CILP: variants seen among roughly 807,000 people sequenced by gnomAD.
CILP encodes the protein cartilage intermediate layer protein 1.
A neutral mutation model predicts 82.5 loss-of-function variants in CILP; 75 were observed. The observed-to-expected ratio is 0.91, with a 90% CI of 0.75 to 1.10. CILP has a LOEUF of 1.10. Ranked by LOEUF, CILP falls within the 50% of genes least tolerant of loss-of-function variation. The pLI is 0.00. For missense variants in CILP, 1,479 were observed against 1,530.8 expected, an observed-to-expected ratio of 0.97 and a Z score of 0.56; for synonymous variants, 530 against 580.3, an observed-to-expected ratio of 0.91 and a Z score of 1.25.
At chr15:65,209,935 G>T (rs914210090) in intron 1 of CILP, 74 bp from the exon 2 acceptor site, 1 of 597,144 alleles carries the variant, frequency 1.7e-6, no homozygotes, top group Non-Finnish European at 3.0e-6. Flanking sequence ...AATATTTCTT[G>T]ACCTGTCAAG....
rs200188398 is a variant in CILP at position 65,198,821 on chromosome 15, G to A, written c.1465C>T (p.Arg489Trp). The A allele has an allele frequency of 1.7e-5, 27 of 1,614,128 alleles. No homozygotes were observed. Among genetic ancestry groups the A allele is most frequent in the African/African-American group, 9.3e-5 (7 of 75,050 alleles). Residue 489 changes from arginine (R) to tryptophan (W), a missense_variant, in exon 9 of 9, where the codon CGG becomes TGG. Coordinates refer to ENST00000261883, the MANE Select transcript of CILP (RefSeq NM_003613.4). ...ECSCQRCTET[R>W]SIVRGRVSAA... ...CTGACACGGCCCCGCACGATGCTCC[G>A]AGTTTCCGTACACCGCTGGCAGCTG...
At position 65,197,391 on chromosome 15, in the gene CILP, T is replaced by C; in HGVS notation, c.2895A>G (p.Glu965=). 6.2e-7 allele frequency: 1 copy of C among 1,614,208 alleles called. No individual in the cohort carries two copies. The highest frequency in any genetic ancestry group is 8.5e-7 in the Non-Finnish European group (1 of 1,180,038). Reference sequence around the variant, plus strand: ...CCATGTTGCGGGATCGCACATTCACTTCCAGTGGCCCCACAATCTTCACCT... The same window carrying C: ...CCATGTTGCGGGATCGCACATTCACCTCCAGTGGCCCCACAATCTTCACCT... The part of the protein sequence containing the change: ...YIKVKIVGPL[E]VNVRSRNMGG... The change falls in exon 9 of 9, where the codon GAA becomes GAG. Residue 965 remains glutamate, a synonymous_variant. Transcript: ENST00000261883.
chr15:65,200,426 C>T (rs181985039), intron 8 of CILP, among the ~76,000 whole-genome samples: 36 of 137,880 alleles, frequency 2.6e-4, no homozygotes, highest in Admixed American at 2.2e-3. Context: ...AGTCCAGGAT[C>T]CTTCCAATAC....
Position 65,205,478 on chromosome 15 carries a change from G to A in CILP, c.425-12C>T, listed in dbSNP as rs1196753688. 6.3e-7 allele frequency: 1 copy of A among 1,587,328 alleles called. No homozygotes were observed. ...TCGGCGCAGGGATCCTGCAAAGTGA[G>A]ATCAGCAGACGGTCTGATTTCCCTC... On this transcript the variant is annotated splice_polypyrimidine_tract_variant and intron_variant, in intron 4 of 8. Coordinates refer to ENST00000261883, the MANE Select transcript of CILP (RefSeq NM_003613.4).
In CILP at chr15:65,196,868, A is replaced by C; in HGVS notation, c.3418T>G (p.Ser1140Ala). Residue 1140 changes from serine to alanine, a missense_variant, in exon 9 of 9, where the codon TCC becomes GCC. Physicochemically the swap from Ser to Ala is moderately conservative, Grantham distance 99 (BLOSUM62 1). Coordinates refer to ENST00000261883, the MANE Select transcript of CILP (RefSeq NM_003613.4). Reference protein sequence around the residue: ...FQYLQSTPAQSPAAGTVQGRV... With the variant: ...FQYLQSTPAQAPAAGTVQGRV... ...CCTTGGACAGTGCCTGCAGCAGGGGACTGGGCTGGGGTGCTTTGGAGGTAC... is the reference window on the plus strand; with the variant it reads ...CCTTGGACAGTGCCTGCAGCAGGGGCCTGGGCTGGGGTGCTTTGGAGGTAC... 1 of 1,613,810 alleles carries C rather than the reference A, an allele frequency of 6.2e-7. No individual in the cohort carries two copies. Among genetic ancestry groups the C allele is most frequent in the African/African-American group, 1.3e-5 (1 of 75,014 alleles).
In CILP at chr15:65,207,880, T is replaced by G. The variant is rs2088535673; in HGVS notation, c.62-116A>C. The G allele has an allele frequency of 2.5e-5, 20 of 805,816 alleles. 1 individual carries two copies. In the South Asian group the frequency reaches 3.1e-4, roughly 12 times the overall value. 49.9% of individuals were successfully genotyped at this position (805,816 alleles called of 1,614,324 possible). On this transcript the variant is annotated intron_variant, in intron 2 of 8. Transcript: ENST00000261883. The stretch of plus-strand genomic sequence containing the variant: ...TGGAGCATGAGCACCAGGCATGGGT[T>G]CAAACCCCACTCTGCTACTTATTGC...
In CILP at chr15:65,197,681, C is replaced by A. The variant is rs758306911; in HGVS notation, c.2605G>T (p.Val869Phe). 1.3e-5 allele frequency: 21 copies of A among 1,613,814 alleles called. No individual in the cohort carries two copies. The highest frequency in any genetic ancestry group is 1.5e-5 in the Non-Finnish European group (18 of 1,180,048). The change falls in exon 9 of 9, where the codon GTT (valine) becomes TTT (phenylalanine). Residue 869 changes from valine (V) to phenylalanine (F), a missense_variant. Physicochemically the swap from Val to Phe is conservative, Grantham distance 50 (BLOSUM62 -1). Transcript: ENST00000261883. ...YRRTDHEDPR[V>F]KKTAFQISMA... is the part of the protein sequence containing the mutation. Reference sequence around the variant, plus strand: ...CTAATCTGGAAAGCTGTCTTTTTAACCCGTGGATCCTCATGGTCCGTCCGA... The same window carrying A: ...CTAATCTGGAAAGCTGTCTTTTTAAACCGTGGATCCTCATGGTCCGTCCGA...
chr15:65,197,741 C>T lies in CILP; in HGVS notation c.2545G>A (p.Val849Ile), dbSNP rs376060973. 1.5e-5 allele frequency: 24 copies of T among 1,612,416 alleles called. No individual in the cohort carries two copies. The highest frequency in any genetic ancestry group is 3.3e-5 in the South Asian group (3 of 91,084). ...SPKFNPNAIG[V>I]PQPYLNKLNY... The stretch of plus-strand genomic sequence containing the variant: ...AGCTTGTTGAGATAGGGCTGAGGGA[C>T]GCCAATTGCATTTGGGTTGAATTTA... Residue 849 changes from valine (V) to isoleucine (I), a missense_variant, in exon 9 of 9, where the codon GTC (valine) becomes ATC (isoleucine). Coordinates refer to ENST00000261883, the MANE Select transcript of CILP (RefSeq NM_003613.4).
intron 2 of CILP, 35 bp from the exon 3 acceptor site, chr15:65,207,799 A>C (rs770529617): frequency 6.4e-6 from 10 of 1,565,410 alleles, no homozygotes; most frequent in African/African-American, 1.4e-5. Flanking sequence ...GTGAGAGGCC[A>C]GGACTGGAAG....
At chr15:65,202,163 G>T in intron 7 of CILP, 134 bp from the exon 8 acceptor site, 1 of 721,884 alleles carries the variant, frequency 1.4e-6, no homozygotes. Flanking sequence ...CCTTTGACTT[G>T]GCTCATCCAA....
Position 65,198,790 on chromosome 15 carries a change from G to A in CILP, c.1496C>T (p.Ala499Val), listed in dbSNP as rs1235402852. 6.2e-7 allele frequency: 1 copy of A among 1,614,198 alleles called. No individual in the cohort carries two copies. Residue 499 changes from alanine (A) to valine (V), a missense_variant, in exon 9 of 9, where the codon GCT becomes GTT. Coordinates refer to ENST00000261883, the MANE Select transcript of CILP (RefSeq NM_003613.4). ...RSIVRGRVSA[A>V]DNGEPMRFGH... is the part of the protein sequence containing the mutation. ...AAAGCGCATGGGCTCCCCATTGTCA[G>A]CAGCACTGACACGGCCCCGCACGAT...
At chr15:65,210,947 G>A (rs1223002737) in intron 1 of CILP, among the ~76,000 whole-genome samples, 1 of 152,340 alleles carries the variant, frequency 6.6e-6, no homozygotes, top group African/African-American at 2.4e-5. Flanking sequence ...GGCCTGCACT[G>A]CATTCAGCCT....
rs766561782 is a variant in CILP at position 65,198,336 on chromosome 15, G to A, written c.1950C>T (p.Asp650=). 6.2e-6 allele frequency: 10 copies of A among 1,614,104 alleles called. No homozygotes were observed. In the African/African-American group the frequency reaches 6.7e-5, roughly 11 times the overall value. Residue 650 remains aspartate, a synonymous_variant, in exon 9 of 9, where the codon GAC becomes GAT. Transcript: ENST00000261883. ...TGCCATACGTCCGAAGGGGGAAAGT[G>A]TCTCCTTCGTCATTGATGAAGTTCA... ...TDLNFINDEG[D]TFPLRTYGMF... is the part of the protein sequence containing the mutation.
At chr15:65,206,675 G>A (rs555825960) in intron 4 of CILP, 107 bp downstream of exon 4, 34 of 1,208,562 alleles carry the variant, frequency 2.8e-5, no homozygotes, top group Non-Finnish European at 3.9e-5. Flanking sequence ...CCAAGCATAC[G>A]CATGTGTGTG....
In CILP at chr15:65,209,931, T is replaced by C. The variant is rs1259515848; in HGVS notation, c.-106-70A>G. On this transcript the variant is annotated intron_variant, in intron 1 of 8. Transcript: ENST00000261883. ...CGCTTATGGCTCAAGCAGAAATATTTCTTGACCTGTCAAGGAGGGAAAGGT... is the reference window on the plus strand; with the variant it reads ...CGCTTATGGCTCAAGCAGAAATATTCCTTGACCTGTCAAGGAGGGAAAGGT... 4 of 600,394 alleles carry C rather than the reference T, an allele frequency of 6.7e-6. No homozygotes were observed. The African/African-American group carries it at 7.4e-5, about 11-fold the overall frequency. 37.2% of individuals were successfully genotyped at this position (600,394 alleles called of 1,614,324 possible). A position where few individuals can be genotyped will look rare whatever the true frequency, so the allele number is the denominator to read the frequency against.
At chr15:65,210,258 G>A (rs1472794300) in intron 1 of CILP, among the ~76,000 whole-genome samples, 3 of 152,168 alleles carry the variant, frequency 2.0e-5, no homozygotes, top group Non-Finnish European at 2.9e-5. Context: ...ACACAGGCGG[G>A]TACATATTAA....
At chr15:65,210,142 G>A (rs1368760034) in intron 1 of CILP, among the ~76,000 whole-genome samples, 2 of 152,144 alleles carry the variant, frequency 1.3e-5, no homozygotes, top group African/African-American at 4.8e-5. Flanking sequence ...TTGCAATGAG[G>A]AGAGTCCAGG....
rs768147040 is a variant in CILP, at chr15:65,205,401, C to T, written c.490G>A (p.Ala164Thr). 2.5e-6 allele frequency: 4 copies of T among 1,614,076 alleles called. No homozygotes were observed. In the East Asian group the frequency reaches 8.9e-5, roughly 36 times the overall value. Reference sequence around the variant, plus strand: ...GTCTGGACCCCAGTCTGACCACAGGCAGCTGAGCACTTGCTCCAGGGAGAC... The same window carrying T: ...GTCTGGACCCCAGTCTGACCACAGGTAGCTGAGCACTTGCTCCAGGGAGAC... ...PWSPWSKCSA[A>T]CGQTGVQTRT... is the part of the protein sequence containing the mutation. The change falls in exon 5 of 9, where the codon GCC (alanine) becomes ACC (threonine). Residue 164 changes from alanine (A) to threonine (T), a missense_variant. Physicochemically the swap from Ala to Thr is moderately conservative, Grantham distance 58. Coordinates refer to ENST00000261883, the MANE Select transcript of CILP (RefSeq NM_003613.4).
chr15:65,209,012 C>CTTTTTTTTTTTTTTT (rs556369891), intron 2 of CILP, among the ~76,000 whole-genome samples: 9 of 69,990 alleles, frequency 1.3e-4, no homozygotes, highest in East Asian at 5.9e-4. Flanking sequence ...GGGTTTTGAG[C>CTTTTTTTTTTTTTTT]TTTTTTTTTT....
Sources: allele counts gnomAD v4.1 joint callset (sites outside exome capture counted in the v4.1 genomes callset), GRCh38; gene constraint gnomAD v4.1.1; transcripts MANE v1.5; gene names NCBI Gene and HGNC (gene_info 2026-07-23, HGNC 2026-07-21).